The following NSD1 variants were observed in gnomAD, a reference collection of about 807,000 sequenced individuals.
The protein encoded by NSD1 is nuclear receptor binding SET domain protein 1.
A neutral mutation model predicts 242.7 loss-of-function variants in NSD1; 26 were observed. The observed-to-expected ratio is 0.11, with a 90% CI of 0.08 to 0.15. NSD1 has a LOEUF of 0.15. Among genes scored for constraint, NSD1 ranks in the 10% least tolerant of loss-of-function variants. The pLI is 1.00. For synonymous variants in NSD1, 1,106 were observed against 1,178.1 expected (o/e 0.94, Z 1.25); for missense variants, 2,495 against 3,272.8 (o/e 0.76, Z 5.80).
rs751786726 is a variant in NSD1, at chr5:177,294,229, C to G, written c.6861C>G (p.Asp2287Glu). The G allele has an allele frequency of 1.9e-6, 3 of 1,613,388 alleles. No homozygotes were observed. In the Admixed American group the frequency reaches 5.0e-5, roughly 27 times the overall value. Residue 2287 changes from aspartate (D) to glutamate (E), a missense_variant, in exon 23 of 23, where the codon GAC becomes GAG. This residue lies in a region of NSD1 where 475 missense variants were observed against 563.7 expected (regional missense o/e 0.84). Coordinates refer to ENST00000439151, the MANE Select transcript of NSD1 (RefSeq NM_022455.5). ...CTGAAAGACCTCTTGAGAGAACTGA[C>G]TCCAGGCCCCAGCCTTTAGATAAGG... Reference protein sequence around the residue: ...LLPERPLERTDSRPQPLDKVR... With the variant: ...LLPERPLERTESRPQPLDKVR...
At chr5:177,206,218 T>C (rs1335918011) in intron 4 of NSD1, among the ~76,000 whole-genome samples, 3 of 152,180 alleles carry the variant, frequency 2.0e-5, no homozygotes, top group African/African-American at 7.2e-5. Flanking sequence ...CAGGCTGGTC[T>C]CAAACTCCTG....
At position 177,294,448 on chromosome 5, in the gene NSD1, G is replaced by T; in HGVS notation, c.7080G>T (p.Arg2360Ser). 1 of 1,614,186 alleles carries T rather than the reference G, an allele frequency of 6.2e-7. No homozygotes were observed. The highest frequency in any genetic ancestry group is 1.6e-4 in the Middle Eastern group (1 of 6,062). ...GACCTCTGGGGACGGCTGACCCAAGGCTGGATAAATCCATAGGTGCTGCCA... is the reference window on the plus strand; with the variant it reads ...GACCTCTGGGGACGGCTGACCCAAGTCTGGATAAATCCATAGGTGCTGCCA... ...LERPLGTADP[R>S]LDKSIGAASP... Residue 2360 changes from arginine (R) to serine (S), a missense_variant, in exon 23 of 23, where the codon AGG (arginine) becomes AGT (serine). By Grantham distance (110) the Arg-to-Ser change is moderately radical. Transcript: ENST00000439151.
intron 5 of NSD1, among the ~76,000 whole-genome samples, chr5:177,221,691 G>A (rs1433207714): frequency 2.0e-5 from 3 of 151,980 alleles, no homozygotes; most frequent in Non-Finnish European, 4.4e-5. Context: ...GGCTGGACTC[G>A]AACTCCTGAC....
chr5:177,250,562 G>GTTTTTTTTTTT (rs34022431), intron 11 of NSD1, among the ~76,000 whole-genome samples: 1 of 140,248 alleles, frequency 7.1e-6, no homozygotes, highest in African/African-American at 2.6e-5. Flanking sequence ...CTGAAGGTCA[G>GTTTTTTTTTTT]TTTTTTTTTT....
intron 2 of NSD1, among the ~76,000 whole-genome samples, chr5:177,187,541 C>G (rs1761336361): frequency 6.6e-6 from 1 of 152,144 alleles, no homozygotes; most frequent in Non-Finnish European, 1.5e-5. Flanking sequence ...ATACCACAAA[C>G]TAGCTGGCTT....
chr5:177,174,490 C>T (rs906156327), intron 2 of NSD1, among the ~76,000 whole-genome samples: 1 of 151,626 alleles, frequency 6.6e-6, no homozygotes, highest in Non-Finnish European at 1.5e-5. Flanking sequence ...GCTGGGATTA[C>T]AAGCGTGAGC....
chr5:177,233,774 C>T (rs192242001), intron 5 of NSD1, among the ~76,000 whole-genome samples: 28 of 152,178 alleles, frequency 1.8e-4, no homozygotes, highest in South Asian at 2.1e-4. Flanking sequence ...GACTGTTCCT[C>T]CTTGAAAACT....
intron 2 of NSD1, among the ~76,000 whole-genome samples, chr5:177,155,951 C>T (rs1276096489): frequency 2.6e-5 from 4 of 151,636 alleles, no homozygotes; most frequent in Admixed American, 6.6e-5. Flanking sequence ...GTGATATGCC[C>T]GACTCAGCCT....
intron 5 of NSD1, among the ~76,000 whole-genome samples, chr5:177,216,569 A>G (rs982020821): frequency 3.9e-5 from 6 of 152,078 alleles, no homozygotes; most frequent in African/African-American, 1.2e-4. Context: ...CAGTTTTCAC[A>G]ATACCATCTG....
At chr5:177,201,669 A>G (rs767767063) in intron 3 of NSD1, among the ~76,000 whole-genome samples, 1 of 150,168 alleles carries the variant, frequency 6.7e-6, no homozygotes, top group Non-Finnish European at 1.5e-5. Context: ...AGCGATTCTC[A>G]TGCCTCAGCC....
chr5:177,291,210 C>CT (rs1759788921), intron 21 of NSD1, among the ~76,000 whole-genome samples: 1 of 152,180 alleles, frequency 6.6e-6, no homozygotes, highest in South Asian at 2.1e-4. Flanking sequence ...GATGTGTAGT[C>CT]TTATTGACGG....
At chr5:177,152,418 G>A (rs1053519107) in intron 2 of NSD1, among the ~76,000 whole-genome samples, 4 of 150,960 alleles carry the variant, frequency 2.6e-5, no homozygotes, top group African/African-American at 4.9e-5. Context: ...ATCCAGGCCC[G>A]AATGCAGTGA....
At chr5:177,275,113 A>C (rs1442039070) in intron 17 of NSD1, among the ~76,000 whole-genome samples, 1 of 151,050 alleles carries the variant, frequency 6.6e-6, no homozygotes, top group Non-Finnish European at 1.5e-5. Flanking sequence ...AGTATGTTTA[A>C]GTTTGTCTCA....
chr5:177,181,199 A>G (rs930812852), intron 2 of NSD1, among the ~76,000 whole-genome samples: 22 of 151,690 alleles, frequency 1.5e-4, no homozygotes, highest in African/African-American at 5.1e-4. Context: ...TACGAGAATC[A>G]CTTGAATTCG....
At position 177,294,891 on chromosome 5, in the gene NSD1, G is replaced by C. The variant is rs11542768; in HGVS notation, c.7523G>C (p.Cys2508Ser). The stretch of plus-strand genomic sequence containing the variant: ...ATGCCGAGAGCTGTTGAGAAAGGCT[G>C]TGTGTCAGATCCTCTTCAGACATCT... ...GHMPRAVEKG[C>S]VSDPLQTSGK... The change falls in exon 23 of 23, where the codon TGT becomes TCT. Residue 2508 changes from cysteine (C) to serine (S), a missense_variant. This residue lies in a region of NSD1 where 475 missense variants were observed against 563.7 expected (regional missense o/e 0.84). Coordinates refer to ENST00000439151, the MANE Select transcript of NSD1 (RefSeq NM_022455.5). 2 of 1,613,840 alleles carry C rather than the reference G, an allele frequency of 1.2e-6. No homozygotes were observed. Among genetic ancestry groups the C allele is most frequent in the Non-Finnish European group, 1.7e-6 (2 of 1,179,946 alleles).
At position 177,134,361 on chromosome 5, in the gene NSD1, G is replaced by C. The variant is rs1462014683; in HGVS notation, c.-18+409G>C. On this transcript the variant is annotated intron_variant, in intron 1 of 22. Coordinates refer to ENST00000439151, the MANE Select transcript of NSD1 (RefSeq NM_022455.5). The surrounding 1 kb of genome is among the most constrained non-coding windows in gnomAD (Gnocchi z 4.2). ...GAGGTGCTGCCGCGGCTGCGGGAAG[G>C]AGCGCGGCCCGGGCAGGCGGCGGCG... 1 of 152,648 alleles carries C rather than the reference G, an allele frequency of 6.6e-6. No homozygotes were observed. Among genetic ancestry groups the C allele is most frequent in the Non-Finnish European group, 1.5e-5 (1 of 68,140 alleles). 9.5% of individuals were successfully genotyped at this position (152,648 alleles called of 1,614,324 possible).
intron 20 of NSD1, 108 bp downstream of exon 20, chr5:177,284,036 T>C (rs568075864): frequency 7.5e-7 from 1 of 1,327,966 alleles, no homozygotes; most frequent in East Asian, 2.3e-5. Context: ...TATGTACCGT[T>C]CTCTGGAATT....
At position 177,135,122 on chromosome 5, in the gene NSD1, C is replaced by A. The variant is rs368345846; in HGVS notation, c.19C>A (p.Leu7Ile). 8.1e-6 allele frequency: 13 copies of A among 1,614,076 alleles called. No homozygotes were observed. The highest frequency in any genetic ancestry group is 1.3e-5 in the African/African-American group (1 of 74,914). Reference sequence around the variant, plus strand: ...GCCCAGGATGGATCAGACCTGTGAACTACCCAGAAGAAATTGTCTGCTGCC... The same window carrying A: ...GCCCAGGATGGATCAGACCTGTGAAATACCCAGAAGAAATTGTCTGCTGCC... MDQTCE[L>I]PRRNCLLPFS... Residue 7 changes from leucine (L) to isoleucine (I), a missense_variant, in exon 2 of 23, where the codon CTA becomes ATA. By Grantham distance (5) the Leu-to-Ile change is conservative (BLOSUM62 2). Transcript: ENST00000439151.
chr5:177,165,910 CT>C (rs35871946), intron 2 of NSD1, among the ~76,000 whole-genome samples: 177 of 133,998 alleles, frequency 1.3e-3, no homozygotes, highest in Admixed American at 1.7e-3. Context: ...AGCCCACAAT[CT>C]TTTTTTTTTT....
Sources: gnomAD v4.1 joint callset for allele counts (sites outside exome capture counted in the v4.1 genomes callset) on GRCh38, gnomAD v4.1.1 for gene constraint, gnomAD v4.1.1 regional missense constraint, Gnocchi (gnomAD v3.1) non-coding constraint, MANE v1.5 for transcripts, NCBI Gene and HGNC (gene_info 2026-07-23, HGNC 2026-07-21) for gene names.